The following LINGO2 variants were observed in gnomAD, a reference collection of about 807,000 sequenced individuals.
LINGO2 encodes the protein leucine rich repeat and Ig domain containing 2, also known as leucine-rich repeat and immunoglobulin-like domain-containing nogo receptor-interacting protein 2.
LINGO2 carries 14 observed loss-of-function variants against 30.6 expected under a neutral mutation model. The observed-to-expected ratio is 0.46, with a 90% confidence interval of 0.30 to 0.72. The LOEUF (loss-of-function observed/expected upper bound fraction) is 0.72. Ranked by LOEUF, LINGO2 falls within the 30% of genes least tolerant of loss-of-function variation. The pLI, the probability that LINGO2 is intolerant of heterozygous loss-of-function variation, is 0.07. For missense variants in LINGO2, 729 were observed against 751.7 expected (o/e 0.97, Z 0.35); for synonymous variants, 317 against 288.5 (o/e 1.10, Z -1.00).
At chr9:28,105,813 G>T (rs770576180) in intron 4 of LINGO2, among the ~76,000 whole-genome samples, 2 of 152,106 alleles carry the variant, frequency 1.3e-5, no homozygotes, top group Non-Finnish European at 2.9e-5. Flanking sequence ...CTACAAGCCA[G>T]GAGGAGAGCC....
intron 4 of LINGO2, among the ~76,000 whole-genome samples, chr9:28,175,250 T>C (rs1828717876): frequency 6.6e-6 from 1 of 152,104 alleles, no homozygotes; most frequent in Non-Finnish European, 1.5e-5. Flanking sequence ...CAACAACCTC[T>C]GGAGGCACCC....
In LINGO2 at chr9:28,457,609, A is replaced by C. The variant is rs181261038; in HGVS notation, c.-279+18331T>G. ...AAAAGAAAACAAAAATTAAAAAAAA[A>C]CCCTAAGAGATGGGGTCTCATTATA... On this transcript the variant is annotated intron_variant, in intron 2 of 5. Transcript: ENST00000379992. Among the ~76,000 whole-genome samples, 391 of 151,592 alleles carry C rather than the reference A, an allele frequency of 2.6e-3. 2 individuals are homozygous for C. Among genetic ancestry groups the C allele is most frequent in the African/African-American group, 9.2e-3 (379 of 41,320 alleles).
rs534343307 is a variant in LINGO2 at position 28,648,242 on chromosome 9, A to C, written c.-365+21958T>G. 2.1e-3 allele frequency among the ~76,000 whole-genome samples: 325 copies of C among 152,210 alleles called. 1 individual carries two copies. The highest frequency in any genetic ancestry group is 3.9e-3 in the Non-Finnish European group (268 of 67,972). On this transcript the variant is annotated intron_variant, in intron 1 of 5. Transcript: ENST00000379992. ...AAAAATATAATATGTAATCCATTCA[A>C]CTCAGAATTATGCTTCTCTAGTTGC...
chr9:29,101,448 A>C, the LINGO2 span, among the ~76,000 whole-genome samples: 4 of 152,156 alleles, frequency 2.6e-5, no homozygotes, highest in African/African-American at 7.2e-5. Flanking sequence ...ATTAGTGTGA[A>C]TCCACCTTGT....
chr9:28,025,610 G>T (rs1179501841), intron 4 of LINGO2, among the ~76,000 whole-genome samples: 1 of 152,108 alleles, frequency 6.6e-6, no homozygotes, highest in African/African-American at 2.4e-5. Flanking sequence ...GTGTGAATGG[G>T]CATGAAAGGG....
At chr9:27,994,761 C>G (rs1002358018) in intron 5 of LINGO2, among the ~76,000 whole-genome samples, 1 of 152,128 alleles carries the variant, frequency 6.6e-6, no homozygotes, top group African/African-American at 2.4e-5. Flanking sequence ...GAGACAGGGA[C>G]TAGGCAGGGA....
At chr9:28,434,327 TA>T (rs1176728036) in intron 2 of LINGO2, among the ~76,000 whole-genome samples, 2 of 94,070 alleles carry the variant, frequency 2.1e-5, no homozygotes, top group East Asian at 2.6e-4. Flanking sequence ...ATTACTAAAA[TA>T]AAAAAAATTA....
chr9:28,020,809 C>A (rs1460234037), intron 4 of LINGO2, among the ~76,000 whole-genome samples: 3 of 152,140 alleles, frequency 2.0e-5, no homozygotes, highest in Admixed American at 6.5e-5. Context: ...TCTAAGGTAA[C>A]AAAATTGCAG....
the LINGO2 span, among the ~76,000 whole-genome samples, chr9:28,777,295 T>C: frequency 1.3e-5 from 2 of 152,222 alleles, no homozygotes; most frequent in African/African-American, 2.4e-5. Flanking sequence ...AAAACAATCA[T>C]TATTTCAGAA....
chr9:28,148,166 C>A lies in LINGO2; in HGVS notation c.-86-135761G>T. 1 of 862,954 alleles carries A rather than the reference C, an allele frequency of 1.2e-6. No individual in the cohort carries two copies. The highest frequency in any genetic ancestry group is 1.6e-6 in the Non-Finnish European group (1 of 622,116). 53.5% of individuals were successfully genotyped at this position (862,954 alleles called of 1,614,324 possible). A position where few individuals can be genotyped will look rare whatever the true frequency, so the allele number is the denominator to read the frequency against. On this transcript the variant is annotated intron_variant, in intron 4 of 5. Coordinates refer to ENST00000379992, the Ensembl canonical transcript of LINGO2. This position sits in a 1 kb window ranked among gnomAD's most constrained non-coding sequence, Gnocchi z 5.1. Reference sequence around the variant, plus strand: ...TTTCCCACTCCTCTTCAACCCTCAGCGACATCTTGGGCCTTCTTTTCCAGT... The same window carrying A: ...TTTCCCACTCCTCTTCAACCCTCAGAGACATCTTGGGCCTTCTTTTCCAGT...
chr9:28,904,099 G>A, the LINGO2 span, among the ~76,000 whole-genome samples: 1 of 151,586 alleles, frequency 6.6e-6, no homozygotes, highest in Non-Finnish European at 1.5e-5. Flanking sequence ...ATAGAATGTA[G>A]GATAAAAACA....
At chr9:28,076,483 T>TC (rs34414086) in intron 4 of LINGO2, among the ~76,000 whole-genome samples, 2 of 152,054 alleles carry the variant, frequency 1.3e-5, no homozygotes, top group Non-Finnish European at 2.9e-5. Flanking sequence ...GCTTTTTTTT[T>TC]CATTTTAGTC....
chr9:28,488,391 ATAT>A (rs1461822673), intron 1 of LINGO2, among the ~76,000 whole-genome samples: 2 of 152,288 alleles, frequency 1.3e-5, no homozygotes, highest in Admixed American at 1.3e-4. Flanking sequence ...ATTAAATTAA[ATAT>A]TATTATAAAT....
chr9:28,166,478 G>T (rs1375777935), intron 4 of LINGO2, among the ~76,000 whole-genome samples: 2 of 152,192 alleles, frequency 1.3e-5, no homozygotes, highest in African/African-American at 4.8e-5. Context: ...TGATCTTTTT[G>T]TTTAGTGTTA....
intron 4 of LINGO2, among the ~76,000 whole-genome samples, chr9:28,070,234 A>T (rs1391924723): frequency 6.6e-6 from 1 of 152,080 alleles, no homozygotes; most frequent in African/African-American, 2.4e-5. Flanking sequence ...ACCCTAGTCT[A>T]TTAGTTTACC....
At chr9:28,243,815 G>A (rs1821898446) in intron 4 of LINGO2, among the ~76,000 whole-genome samples, 1 of 152,104 alleles carries the variant, frequency 6.6e-6, no homozygotes, top group South Asian at 2.1e-4. Flanking sequence ...AGAGCACCCA[G>A]ATTCATAAAA....
intron 3 of LINGO2, among the ~76,000 whole-genome samples, chr9:28,299,477 GA>G (rs1234509756): frequency 1.3e-5 from 2 of 151,730 alleles, no homozygotes; most frequent in African/African-American, 4.8e-5. Flanking sequence ...TTAGTCTGAT[GA>G]AAAGGTCAGA....
At chr9:29,063,251 G>C in the LINGO2 span, among the ~76,000 whole-genome samples, 3 of 152,066 alleles carry the variant, frequency 2.0e-5, no homozygotes, top group African/African-American at 7.2e-5. Flanking sequence ...AAACAAAAGA[G>C]GGCAACAGCT....
intron 4 of LINGO2, among the ~76,000 whole-genome samples, chr9:28,189,722 A>T (rs975413306): frequency 6.6e-6 from 1 of 150,852 alleles, no homozygotes; most frequent in East Asian, 2.0e-4. Context: ...GAAGGAAGGA[A>T]GGTTGGTTCA....
Sources: allele counts gnomAD v4.1 joint callset (sites outside exome capture counted in the v4.1 genomes callset), GRCh38; gene constraint gnomAD v4.1.1; non-coding constraint Gnocchi (gnomAD v3.1); transcripts MANE v1.5; gene names NCBI Gene and HGNC (gene_info 2026-07-23, HGNC 2026-07-21).